CATSPERG: variants seen among roughly 807,000 people sequenced by gnomAD.
The protein encoded by CATSPERG is cation channel sperm-associated auxiliary subunit gamma.
In CATSPERG, 115 loss-of-function variants were observed where a neutral mutation model predicts 145.0. That is an observed-to-expected ratio of 0.79 (90% confidence interval 0.68 to 0.93). The LOEUF is 0.93. CATSPERG is among the 40% of genes least tolerant of loss of function. The pLI is 0.00. For missense variants in CATSPERG, 1,296 were observed against 1,490.1 expected (o/e 0.87, Z 2.14); for synonymous variants, 588 against 589.0 (o/e 1.00, Z 0.02).
intron 1 of CATSPERG, 164 bp from the exon 2 acceptor site, chr19:38,337,057 G>A (rs969956829): frequency 7.4e-6 from 6 of 808,274 alleles, no homozygotes; most frequent in Non-Finnish European, 1.2e-5. Context: ...CCAGGAGCAA[G>A]AGCAGGGGCG....
intron 2 of CATSPERG, 31 bp downstream of exon 2, chr19:38,337,535 G>C (rs1194320245): frequency 1.3e-6 from 2 of 1,551,922 alleles, no homozygotes; most frequent in South Asian, 2.4e-5. Flanking sequence ...TGAACCAGAG[G>C]GATTTTGAAC....
intron 8 of CATSPERG, 158 bp downstream of exon 8, chr19:38,352,590 T>G: frequency 1.1e-5 from 6 of 554,064 alleles, no homozygotes; most frequent in South Asian, 2.0e-5. Context: ...GGGCCTTGCC[T>G]TGCCCTTTTT....
In CATSPERG at chr19:38,367,138, T is replaced by G; in HGVS notation, c.2614-18T>G. 1.7e-5 allele frequency: 27 copies of G among 1,601,076 alleles called. No homozygotes were observed. Among genetic ancestry groups the G allele is most frequent in the Non-Finnish European group, 2.3e-5 (27 of 1,174,202 alleles). On this transcript the variant is annotated intron_variant, in intron 22 of 28. Coordinates refer to ENST00000409235, the MANE Select transcript of CATSPERG (RefSeq NM_021185.5). ...GAGACCCTGGCCACCCCTGTGAGCC[T>G]TTTTTCCTCCCACCGAGGGCAACCT...
intron 17 of CATSPERG, 164 bp from the exon 18 acceptor site, chr19:38,362,046 T>A (rs1970356635): frequency 1.1e-6 from 1 of 939,244 alleles, no homozygotes; most frequent in African/African-American, 1.7e-5. Context: ...GCGTTGGGGG[T>A]GTGGCCGGGT....
intron 11 of CATSPERG, 71 bp downstream of exon 11, chr19:38,356,932 T>C (rs1411457906): frequency 3.2e-6 from 5 of 1,580,418 alleles, no homozygotes; most frequent in Admixed American, 1.7e-5. Flanking sequence ...ATGCCCATCC[T>C]GAGGGATCTG....
intron 7 of CATSPERG, among the ~76,000 whole-genome samples, chr19:38,348,299 C>T (rs1032583370): frequency 2.6e-5 from 4 of 152,024 alleles, no homozygotes; most frequent in South Asian, 4.2e-4. Flanking sequence ...GCTGGTATTA[C>T]AGGCATGCGC....
chr19:38,356,537 A>T lies in CATSPERG; in HGVS notation c.1189A>T (p.Ile397Leu), dbSNP rs1338516083. 6.2e-7 allele frequency: 1 copy of T among 1,613,756 alleles called. No individual in the cohort carries two copies. The highest frequency in any genetic ancestry group is 8.5e-7 in the Non-Finnish European group (1 of 1,179,912). The stretch of plus-strand genomic sequence containing the variant: ...CAGGCAGTGGTCTGTGTGCGAGCAG[A>T]TAGGAGGTACTCATTACCCCGATGG... Reference protein sequence around the residue: ...LPRQWSVCEQIGVTTCSIIWS... With the variant: ...LPRQWSVCEQLGVTTCSIIWS... The change falls in exon 10 of 29, where the codon ATA (isoleucine) becomes TTA (leucine). Residue 397 changes from isoleucine (I) to leucine (L), a missense_variant. Transcript: ENST00000409235.
chr19:38,359,971 G>T (rs761784799), intron 14 of CATSPERG: 7 of 1,044,396 alleles, frequency 6.7e-6, no homozygotes, highest in Non-Finnish European at 6.9e-6. Context: ...TGCATGTCAG[G>T]GAGGGCTTCA....
In CATSPERG at chr19:38,358,615, T is replaced by A. The variant is rs1970289346; in HGVS notation, c.1496+54T>A. The A allele has an allele frequency of 2.5e-6, 4 of 1,607,264 alleles. 1 individual carries two copies. Among genetic ancestry groups the A allele is most frequent in the Middle Eastern group, 1.8e-4 (1 of 5,564 alleles). ...AGGCATACTCTGTCTCCCCAGCAAC[T>A]TTACGGTGGGGACCCTTTCAAGCCC... On this transcript the variant is annotated intron_variant, in intron 13 of 28. Transcript: ENST00000409235.
chr19:38,359,362 A>G (rs1426460632), intron 13 of CATSPERG, 108 bp from the exon 14 acceptor site: 2 of 681,572 alleles, frequency 2.9e-6, no homozygotes, highest in East Asian at 5.7e-5. Flanking sequence ...CTTCCTTTGC[A>G]TGTTCTTACA....
intron 8 of CATSPERG, 155 bp downstream of exon 8, chr19:38,352,587 G>A (rs1970162175): frequency 3.3e-6 from 2 of 599,020 alleles, no homozygotes; most frequent in Non-Finnish European, 5.8e-6. Flanking sequence ...AATGGGCCTT[G>A]CCTTGCCCTT....
chr19:38,360,697 C>A (rs1299098615), intron 15 of CATSPERG, 34 bp from the exon 16 acceptor site: 1 of 1,613,822 alleles, frequency 6.2e-7, no homozygotes, highest in Non-Finnish European at 8.5e-7. Flanking sequence ...GGAGGGCTGA[C>A]CCCAGCTCAC....
intron 3 of CATSPERG, among the ~76,000 whole-genome samples, chr19:38,340,608 C>T (rs1969921446): frequency 1.3e-5 from 2 of 151,766 alleles, no homozygotes; most frequent in Non-Finnish European, 2.9e-5. Context: ...ATGTGAGCCA[C>T]CGCGCCCGGC....
chr19:38,353,027 CAAAAAAAAA>C (rs61080753), intron 8 of CATSPERG, among the ~76,000 whole-genome samples: 40 of 61,564 alleles, frequency 6.5e-4, no homozygotes, highest in African/African-American at 2.3e-3. Flanking sequence ...GACCCTGTTT[CAAAAAAAAA>C]AAAAAAAAAA....
chr19:38,338,397 C>G (rs1969880885), intron 3 of CATSPERG, among the ~76,000 whole-genome samples: 1 of 152,148 alleles, frequency 6.6e-6, no homozygotes, highest in Admixed American at 6.6e-5. Context: ...ATCCGCCCGC[C>G]TCGGCCTCCT....
At chr19:38,345,358 C>T (rs1970023567) in intron 6 of CATSPERG, among the ~76,000 whole-genome samples, 2 of 151,662 alleles carry the variant, frequency 1.3e-5, no homozygotes, top group Admixed American at 6.6e-5. Context: ...ACTCTCACCT[C>T]AGTTTTTGTA....
chr19:38,352,255 C>T lies in CATSPERG; in HGVS notation c.826-6C>T, dbSNP rs776725564. On this transcript the variant is annotated splice_polypyrimidine_tract_variant and splice_region_variant and intron_variant, in intron 7 of 28. Transcript: ENST00000409235. ...CTGCTCACCACTAGCCTCTGCTCCC[C>T]TGCAGCTGAGCATTGACAGTTGCTG... is the stretch of plus-strand genomic sequence containing the variant. 2.6e-6 allele frequency: 4 copies of T among 1,551,244 alleles called. No individual in the cohort carries two copies. The highest frequency in any genetic ancestry group is 1.2e-5 in the South Asian group (1 of 84,052).
At chr19:38,364,157 C>T (rs1374696756) in intron 20 of CATSPERG, among the ~76,000 whole-genome samples, 1 of 152,082 alleles carries the variant, frequency 6.6e-6, no homozygotes, top group Non-Finnish European at 1.5e-5. Context: ...CCCCACCTCC[C>T]TCCAGGACGG....
Position 38,367,675 on chromosome 19 carries a change from T to G in CATSPERG, c.2835-6T>G. The stretch of plus-strand genomic sequence containing the variant: ...GCCAGTCTGTGTGCACTTCTGTCCC[T>G]GGTAGCTATGTTCTGCTGGTGGTGG... On this transcript the variant is annotated splice_polypyrimidine_tract_variant and splice_region_variant and intron_variant, in intron 24 of 28. Coordinates refer to ENST00000409235, the MANE Select transcript of CATSPERG (RefSeq NM_021185.5). 2 of 1,614,076 alleles carry G rather than the reference T, an allele frequency of 1.2e-6. No homozygotes were observed. The highest frequency in any genetic ancestry group is 1.7e-6 in the Non-Finnish European group (2 of 1,179,980).
Sources: gnomAD v4.1 joint callset for allele counts (sites outside exome capture counted in the v4.1 genomes callset) on GRCh38, gnomAD v4.1.1 for gene constraint, MANE v1.5 for transcripts, NCBI Gene and HGNC (gene_info 2026-07-23, HGNC 2026-07-21) for gene names.